The following CXCL13 variants were observed in gnomAD, a reference collection of about 807,000 sequenced individuals.
The protein encoded by CXCL13 is C-X-C motif chemokine ligand 13, also known as C-X-C motif chemokine 13.
CXCL13 carries 7 observed loss-of-function variants against 12.2 expected under a neutral mutation model. The ratio of observed to expected loss-of-function variants is 0.57; its 90% CI spans 0.33 to 1.07. The LOEUF is 1.07. Among genes scored for constraint, CXCL13 ranks in the 50% least tolerant of loss-of-function variants. The probability of loss-of-function intolerance (pLI) is 0.04; values close to 1 mark genes in which losing one functional copy is unlikely to be tolerated. For missense variants in CXCL13, 113 were observed against 127.4 expected, an observed-to-expected ratio of 0.89 and a Z score of 0.55; for synonymous variants, 47 against 42.4, an observed-to-expected ratio of 1.11 and a Z score of -0.42.
intron 3 of CXCL13, 27 bp from the exon 4 acceptor site, chr4:77,610,961 A>C: frequency 6.3e-7 from 1 of 1,598,068 alleles, no homozygotes; most frequent in Non-Finnish European, 8.5e-7. Flanking sequence ...TAAACATGAC[A>C]ATTTTGTTTT....
chr4:77,534,191 TAAAAAC>T (rs546453218), intron 1 of CXCL13, among the ~76,000 whole-genome samples: 3 of 150,514 alleles, frequency 2.0e-5, no homozygotes, highest in Non-Finnish European at 3.0e-5. Context: ...GGCAGTTTCT[TAAAAAC>T]AAAAACAAAA....
intron 1 of CXCL13, among the ~76,000 whole-genome samples, chr4:77,517,824 T>C (rs568604735): frequency 6.6e-6 from 1 of 152,342 alleles, no homozygotes; most frequent in African/African-American, 2.4e-5. Flanking sequence ...GTTAATATTG[T>C]TATGTGTGAA....
At chr4:77,596,647 T>C (rs1337183367) in intron 1 of CXCL13, among the ~76,000 whole-genome samples, 1 of 151,568 alleles carries the variant, frequency 6.6e-6, no homozygotes, top group Non-Finnish European at 1.5e-5. Context: ...TAGCTGGGTA[T>C]GGTGGCGGGT....
rs193182211 is a variant in CXCL13, at chr4:77,576,945, T to C, written c.-42-28879T>C. On this transcript the variant is annotated intron_variant, in intron 1 of 4. Coordinates refer to the CXCL13 transcript ENST00000286758. The stretch of plus-strand genomic sequence containing the variant: ...CATTTGTCATTAAATTCCAGACTCA[T>C]TAGTTGTTTTAAAGTTTTTGCCTAC... 2.0e-5 allele frequency among the ~76,000 whole-genome samples: 3 copies of C among 152,296 alleles called. No homozygotes were observed. In the South Asian group the frequency reaches 6.2e-4, roughly 32 times the overall value.
chr4:77,610,797 C>T (rs932578740), intron 3 of CXCL13, 103 bp downstream of exon 3: 1 of 980,518 alleles, frequency 1.0e-6, no homozygotes, highest in Non-Finnish European at 1.6e-6. Context: ...ATGAGAAGTT[C>T]CTAAGACAAA....
intron 1 of CXCL13, among the ~76,000 whole-genome samples, chr4:77,531,289 T>A (rs1285458577): frequency 1.2e-5 from 1 of 86,330 alleles, no homozygotes; most frequent in Non-Finnish European, 2.1e-5. Flanking sequence ...CCCACCCCAC[T>A]ACAGTCCCTG....
chr4:77,563,347 G>T (rs1725857706), intron 1 of CXCL13, among the ~76,000 whole-genome samples: 1 of 152,188 alleles, frequency 6.6e-6, no homozygotes, highest in South Asian at 2.1e-4. Flanking sequence ...ATAATTTTGT[G>T]CTGTGTTTAC....
chr4:77,590,605 C>T (rs982347740), intron 1 of CXCL13, among the ~76,000 whole-genome samples: 1 of 152,310 alleles, frequency 6.6e-6, no homozygotes, highest in African/African-American at 2.4e-5. Flanking sequence ...TCTTTTTCTG[C>T]TCCTGTATAG....
intron 2 of CXCL13, among the ~76,000 whole-genome samples, chr4:77,608,765 A>G (rs1025022580): frequency 2.4e-4 from 36 of 152,220 alleles, no homozygotes; most frequent in African/African-American, 8.2e-4. Context: ...ATAATGTCTA[A>G]CTAAACTACA....
intron 1 of CXCL13, among the ~76,000 whole-genome samples, chr4:77,583,474 G>T (rs186164458): frequency 3.4e-4 from 52 of 152,282 alleles, no homozygotes; most frequent in South Asian, 6.2e-4. Context: ...GGAGAGTAAG[G>T]GTTGGAGAAC....
rs568539928 is a variant in CXCL13, at chr4:77,567,069, G to A, written c.-42-38755G>A. Among the ~76,000 whole-genome samples, 3 of 152,186 alleles carry A rather than the reference G, an allele frequency of 2.0e-5. No individual in the cohort carries two copies. In the East Asian group the frequency reaches 5.8e-4, roughly 29 times the overall value. On this transcript the variant is annotated intron_variant, in intron 1 of 4. Coordinates refer to the CXCL13 transcript ENST00000286758. The stretch of plus-strand genomic sequence containing the variant: ...ACCCTAACTGATCAATTGACTTTGT[G>A]ACAATACACCCTCTCCACCCTTGAG...
At chr4:77,525,116 C>T (rs1724727865) in intron 1 of CXCL13, among the ~76,000 whole-genome samples, 9 of 152,272 alleles carry the variant, frequency 5.9e-5, no homozygotes, top group Admixed American at 5.9e-4. Flanking sequence ...CTTCTGCCTT[C>T]CATTATAGGA....
chr4:77,520,872 T>C (rs998940338), intron 1 of CXCL13, among the ~76,000 whole-genome samples: 3 of 152,208 alleles, frequency 2.0e-5, no homozygotes, highest in Admixed American at 6.5e-5. Flanking sequence ...TAGCTCTTAT[T>C]ATTTTGAGAT....
chr4:77,582,253 C>A (rs1578064285), intron 1 of CXCL13, among the ~76,000 whole-genome samples: 1 of 152,126 alleles, frequency 6.6e-6, no homozygotes, highest in Non-Finnish European at 1.5e-5. Context: ...GCCCTGTGGA[C>A]AAACAAAGCC....
chr4:77,604,948 T>A (rs1420802091), upstream of CXCL13, among the ~76,000 whole-genome samples: 2 of 152,308 alleles, frequency 1.3e-5, no homozygotes, highest in Non-Finnish European at 2.9e-5. Context: ...ACTTTTTTTT[T>A]AATCAAAGAG....
chr4:77,541,067 C>G (rs1323221295), intron 1 of CXCL13, among the ~76,000 whole-genome samples: 1 of 152,068 alleles, frequency 6.6e-6, no homozygotes, highest in African/African-American at 2.4e-5. Flanking sequence ...TGAGAAGTGT[C>G]TGTTCGTGTC....
chr4:77,570,749 A>G (rs2650919), intron 1 of CXCL13, among the ~76,000 whole-genome samples: 66,197 of 150,286 alleles, frequency 0.44, 15,208 homozygotes, highest in African/African-American at 0.56. Context: ...TGGTGGTCCT[A>G]TAGTCAGAGC....
At chr4:77,590,823 A>T (rs1254959194) in intron 1 of CXCL13, among the ~76,000 whole-genome samples, 1 of 152,202 alleles carries the variant, frequency 6.6e-6, no homozygotes, top group Non-Finnish European at 1.5e-5. Context: ...GGCATGTTAA[A>T]TGCTATTTTA....
At chr4:77,567,466 A>C (rs992085066) in intron 1 of CXCL13, among the ~76,000 whole-genome samples, 3 of 152,222 alleles carry the variant, frequency 2.0e-5, no homozygotes, top group African/African-American at 7.2e-5. Flanking sequence ...GTCCAGTCAG[A>C]GACTTTTCAC....
Sources: gnomAD v4.1 joint callset for allele counts (sites outside exome capture counted in the v4.1 genomes callset) on GRCh38, gnomAD v4.1.1 for gene constraint, MANE v1.5 for transcripts, NCBI Gene and HGNC (gene_info 2026-07-23, HGNC 2026-07-21) for gene names.